The following CCDC171 variants were observed in gnomAD, a reference collection of about 807,000 sequenced individuals.
The protein encoded by CCDC171 is coiled-coil domain containing 171.
Under a neutral mutation model 168.2 loss-of-function variants are expected in CCDC171, and 177 were observed. That is an observed-to-expected ratio of 1.05 (90% CI 0.93 to 1.19). CCDC171 has a LOEUF of 1.19. Among genes scored for constraint, CCDC171 ranks in the 50% most tolerant of loss-of-function variants. The pLI is 0.00. For missense variants in CCDC171, 1,991 were observed against 1,539.0 expected, an observed-to-expected ratio of 1.29 and a Z score of -4.91; for synonymous variants, 687 against 540.8, an observed-to-expected ratio of 1.27 and a Z score of -3.75.
intron 18 of CCDC171, among the ~76,000 whole-genome samples, chr9:15,757,142 C>T (rs951559828): frequency 2.0e-5 from 3 of 152,160 alleles, no homozygotes; most frequent in Admixed American, 1.3e-4. Flanking sequence ...AACTGGGTAA[C>T]AGGCAGAGGT....
intron 18 of CCDC171, among the ~76,000 whole-genome samples, chr9:15,756,283 T>G (rs1279762477): frequency 6.6e-6 from 1 of 152,084 alleles, no homozygotes; most frequent in Non-Finnish European, 1.5e-5. Context: ...TTCAGAAAAC[T>G]TGAAAAAAAT....
intron 24 of CCDC171, among the ~76,000 whole-genome samples, chr9:15,881,178 A>G (rs1278770992): frequency 6.6e-6 from 1 of 152,142 alleles, no homozygotes; most frequent in African/African-American, 2.4e-5. Flanking sequence ...TTAGAATTCT[A>G]CTCTGAAGAT....
chr9:15,661,275 G>A (rs577767487), intron 8 of CCDC171, among the ~76,000 whole-genome samples: 50 of 80,132 alleles, frequency 6.2e-4, no homozygotes, highest in Non-Finnish European at 9.5e-4. Context: ...GCGAGACTCC[G>A]TCTCAAAAAA....
intron 21 of CCDC171, among the ~76,000 whole-genome samples, chr9:15,813,900 G>T (rs930286204): frequency 6.6e-6 from 1 of 152,130 alleles, no homozygotes; most frequent in Non-Finnish European, 1.5e-5. Context: ...TAATTTAGTT[G>T]AGTAATAGGA....
intron 21 of CCDC171, among the ~76,000 whole-genome samples, chr9:15,835,172 A>G (rs575986007): frequency 6.6e-6 from 1 of 152,318 alleles, no homozygotes; most frequent in African/African-American, 2.4e-5. Context: ...CTAAGGCCCT[A>G]TTTATTCCCT....
At chr9:15,919,423 C>A (rs1057467002) in intron 24 of CCDC171, among the ~76,000 whole-genome samples, 2 of 151,710 alleles carry the variant, frequency 1.3e-5, no homozygotes, top group South Asian at 2.1e-4. Context: ...GACTGTCTAC[C>A]TTTATACTAA....
chr9:15,845,478 T>C (rs1422430467), intron 21 of CCDC171, among the ~76,000 whole-genome samples: 1 of 152,078 alleles, frequency 6.6e-6, no homozygotes, highest in Non-Finnish European at 1.5e-5. Flanking sequence ...TGGCTTGCAG[T>C]TCACCAGCAT....
intron 24 of CCDC171, among the ~76,000 whole-genome samples, chr9:15,901,473 A>T (rs2064926636): frequency 6.6e-6 from 1 of 152,206 alleles, no homozygotes; most frequent in African/African-American, 2.4e-5. Flanking sequence ...TCTGTACTTC[A>T]TGCTCAACTT....
intron 1 of CCDC171, 45 bp from the exon 2 acceptor site, chr9:15,563,933 G>A (rs2039517874): frequency 3.3e-6 from 2 of 602,038 alleles, no homozygotes; most frequent in Non-Finnish European, 5.9e-6. Flanking sequence ...ATCTCCAATA[G>A]TATCAGGACT....
chr9:15,559,049 G>A (rs1563936600), intron 1 of CCDC171, among the ~76,000 whole-genome samples: 1 of 152,174 alleles, frequency 6.6e-6, no homozygotes, highest in Non-Finnish European at 1.5e-5. Flanking sequence ...GGTTGTGAGT[G>A]AGTTTCTTAA....
At chr9:15,707,290 T>C (rs1293130318) in intron 11 of CCDC171, among the ~76,000 whole-genome samples, 2 of 152,230 alleles carry the variant, frequency 1.3e-5, no homozygotes, top group South Asian at 2.1e-4. Context: ...TGTAATGAGG[T>C]CATTAATATA....
At chr9:16,092,107 T>G in the CCDC171 span, among the ~76,000 whole-genome samples, 10 of 152,222 alleles carry the variant, frequency 6.6e-5, no homozygotes, top group Non-Finnish European at 1.3e-4. Context: ...TTCTCCAGTC[T>G]TGACACAACT....
At chr9:15,783,121 G>A (rs993150787) in intron 20 of CCDC171, among the ~76,000 whole-genome samples, 3 of 152,120 alleles carry the variant, frequency 2.0e-5, no homozygotes, top group South Asian at 4.1e-4. Flanking sequence ...TCATAGAAGT[G>A]GCAGGCAGGG....
intron 11 of CCDC171, among the ~76,000 whole-genome samples, chr9:15,711,502 T>A (rs144534987): frequency 2.5e-4 from 38 of 152,260 alleles, no homozygotes; most frequent in African/African-American, 8.7e-4. Context: ...AATTGTAGAC[T>A]TTTTTTCCAT....
intron 9 of CCDC171, among the ~76,000 whole-genome samples, chr9:15,671,852 C>G (rs1031220472): frequency 2.6e-5 from 4 of 152,126 alleles, no homozygotes; most frequent in African/African-American, 9.7e-5. Context: ...ATTTATAATC[C>G]TTTGGGTATA....
intron 3 of CCDC171, among the ~76,000 whole-genome samples, chr9:15,576,266 C>G (rs1336854085): frequency 6.6e-6 from 1 of 151,870 alleles, no homozygotes; most frequent in African/African-American, 2.4e-5. Context: ...TCCCTACAGC[C>G]TGGAACTCCT....
rs147168868 is a variant in CCDC171 at position 15,803,269 on chromosome 9, C to G, written c.3267+18575C>G. On this transcript the variant is annotated intron_variant, in intron 21 of 25. Coordinates refer to ENST00000380701, the MANE Select transcript of CCDC171 (RefSeq NM_173550.4). Reference sequence around the variant, plus strand: ...CAGAAGCTCTTTAGTTTAGTTAGATCCCATTTGTTAATTTTGCTTTTGTTG... The same window carrying G: ...CAGAAGCTCTTTAGTTTAGTTAGATGCCATTTGTTAATTTTGCTTTTGTTG... Among the ~76,000 whole-genome samples, 3 of 152,062 alleles carry G rather than the reference C, an allele frequency of 2.0e-5. No homozygotes were observed. In the South Asian group the frequency reaches 6.2e-4, roughly 32 times the overall value.
intron 11 of CCDC171, among the ~76,000 whole-genome samples, chr9:15,706,879 T>C (rs1406668558): frequency 6.6e-6 from 1 of 152,230 alleles, no homozygotes; most frequent in Admixed American, 6.5e-5. Context: ...ATTTGATTCC[T>C]TTGGGCATGT....
chr9:15,960,974 A>G (rs1231030881), intron 25 of CCDC171, among the ~76,000 whole-genome samples: 3 of 152,164 alleles, frequency 2.0e-5, no homozygotes, highest in Non-Finnish European at 4.4e-5. Context: ...GGAACAATGA[A>G]GGAGCATGGC....
Sources: gnomAD v4.1 joint callset for allele counts (sites outside exome capture counted in the v4.1 genomes callset) on GRCh38, gnomAD v4.1.1 for gene constraint, MANE v1.5 for transcripts, NCBI Gene and HGNC (gene_info 2026-07-23, HGNC 2026-07-21) for gene names.